The following HACL1 variants were observed in gnomAD, a reference collection of about 807,000 sequenced individuals.
HACL1 encodes 2-hydroxyacyl-CoA lyase 1, also known as 1600020H07Rik.
A neutral mutation model predicts 74.2 loss-of-function variants in HACL1; 64 were observed. The ratio of observed to expected loss-of-function variants is 0.86; its 90% CI spans 0.70 to 1.06. HACL1 has a LOEUF of 1.06. Among genes scored for constraint, HACL1 ranks in the 50% least tolerant of loss-of-function variants. HACL1 has a pLI of 0.00. For missense variants in HACL1, 728 were observed against 719.7 expected (o/e 1.01, Z -0.13); for synonymous variants, 230 against 238.8 (o/e 0.96, Z 0.34).
At chr3:15,573,104 A>C (rs571600648) in intron 11 of HACL1, 55 bp downstream of exon 11, 6 of 933,416 alleles carry the variant, frequency 6.4e-6, no homozygotes, top group Non-Finnish European at 1.1e-5. Context: ...AACATTTTCA[A>C]GAATTGACTA....
chr3:15,569,401 G>T (rs1574911771), intron 12 of HACL1, among the ~76,000 whole-genome samples: 1 of 152,302 alleles, frequency 6.6e-6, no homozygotes, highest in Admixed American at 6.5e-5. Context: ...AATTGAGACT[G>T]GTGGCCAGGC....
chr3:15,589,568 G>A lies in HACL1; in HGVS notation c.353C>T (p.Thr118Ile). The A allele has an allele frequency of 1.2e-6, 2 of 1,610,672 alleles. No individual in the cohort carries two copies. Among genetic ancestry groups the A allele is most frequent in the Non-Finnish European group, 1.7e-6 (2 of 1,177,112 alleles). The change falls in exon 5 of 17, where the codon ACA becomes ATA. Residue 118 changes from threonine to isoleucine, a missense_variant. By Grantham distance (89) the Thr-to-Ile change is moderately conservative (BLOSUM62 -1). Coordinates refer to ENST00000321169, the MANE Select transcript of HACL1 (RefSeq NM_012260.4). Reference sequence around the variant, plus strand: ...AGGAAACTCCTGGAAAGCTCCCATTGTTTCTTGGTTTCTTTCAGAGGAACC... The same window carrying A: ...AGGAAACTCCTGGAAAGCTCCCATTATTTCTTGGTTTCTTTCAGAGGAACC... ...IGGSSERNQE[T>I]MGAFQEFPQV...
intron 16 of HACL1, among the ~76,000 whole-genome samples, chr3:15,563,147 G>C (rs1037611301): frequency 5.3e-5 from 8 of 152,186 alleles, no homozygotes; most frequent in Non-Finnish European, 1.0e-4. Flanking sequence ...GAAGTCGTGA[G>C]GACCGAGCCT....
rs1170888518 is a variant in HACL1, at chr3:15,601,449, G to C, written c.15C>G (p.Asn5Lys). Residue 5 changes from asparagine (N) to lysine (K), a missense_variant, in exon 1 of 17, where the codon AAC (asparagine) becomes AAG (lysine). Coordinates refer to ENST00000321169, the MANE Select transcript of HACL1 (RefSeq NM_012260.4). Reference sequence around the variant, plus strand: ...CCTGCTCCTCGCTGCGCTCTGCGAAGTTACTGTCCGGCATCTTCCACCGAA... The same window carrying C: ...CCTGCTCCTCGCTGCGCTCTGCGAACTTACTGTCCGGCATCTTCCACCGAA... MPDS[N>K]FAERSEEQVS... The C allele has an allele frequency of 1.9e-6, 3 of 1,613,348 alleles. No individual in the cohort carries two copies. Among genetic ancestry groups the C allele is most frequent in the Non-Finnish European group, 2.5e-6 (3 of 1,180,054 alleles).
Position 15,591,916 on chromosome 3 carries a change from AGTGTATATATACGTATATAC to A in HACL1, c.228-256_228-237del, listed in dbSNP as rs1376799447. 6.0e-5 allele frequency among the ~76,000 whole-genome samples: 9 copies of A among 150,604 alleles called. No homozygotes were observed. The East Asian group carries it at 1.4e-3, about 23-fold the overall frequency. The stretch of plus-strand genomic sequence containing the variant: ...TAGTGTATACACTATATATGTATAT[AGTGTATATATACGTATATAC>A]GTGTATATATACACACACTATATAC... On this transcript the variant is annotated intron_variant, in intron 3 of 16. Transcript: ENST00000321169.
chr3:15,601,252 T>TTCCC (rs1246107346), intron 1 of HACL1, 58 bp from the exon 2 acceptor site: 2 of 1,536,692 alleles, frequency 1.3e-6, no homozygotes, highest in Non-Finnish European at 1.8e-6. Flanking sequence ...CGCCACATCC[T>TTCCC]TCCCTCCCTC....
chr3:15,568,097 GA>G, intron 13 of HACL1, 95 bp from the exon 14 acceptor site: 1 of 959,054 alleles, frequency 1.0e-6, no homozygotes, highest in Non-Finnish European at 1.6e-6. Flanking sequence ...ATGGTTGATG[GA>G]AAAATGAAGA....
chr3:15,580,077 A>C (rs1278616939), intron 8 of HACL1, 32 bp from the exon 9 acceptor site: 2 of 1,589,806 alleles, frequency 1.3e-6, no homozygotes, highest in Non-Finnish European at 1.7e-6. Flanking sequence ...TGGACAATTC[A>C]GTTAAGCTAT....
rs1327827062 is a variant in HACL1 at position 15,592,247 on chromosome 3, C to T, written c.228-567G>A. ...ATACATACGTATATACGTATACATA[C>T]GTGTATATATGGATCCATATATACG... On this transcript the variant is annotated intron_variant, in intron 3 of 16. Transcript: ENST00000321169. 2.7e-5 allele frequency among the ~76,000 whole-genome samples: 4 copies of T among 147,374 alleles called. No individual in the cohort carries two copies. The East Asian group carries it at 7.9e-4, about 29-fold the overall frequency.
At chr3:15,577,418 A>C (rs921637994) in intron 9 of HACL1, among the ~76,000 whole-genome samples, 1 of 152,140 alleles carries the variant, frequency 6.6e-6, no homozygotes, top group African/African-American at 2.4e-5. Context: ...CAGAAAGGGA[A>C]GCAAGAAATG....
At chr3:15,566,116 T>G (rs1442655903) in intron 14 of HACL1, among the ~76,000 whole-genome samples, 1 of 152,190 alleles carries the variant, frequency 6.6e-6, no homozygotes, top group Non-Finnish European at 1.5e-5. Context: ...GAGGGACAAC[T>G]ATACCTTCCC....
intron 5 of HACL1, among the ~76,000 whole-genome samples, chr3:15,588,273 T>C (rs1047856432): frequency 1.3e-5 from 2 of 152,220 alleles, no homozygotes; most frequent in Non-Finnish European, 2.9e-5. Flanking sequence ...TTCAGCTATT[T>C]GTTTCCAACA....
chr3:15,591,495 T>TA (rs1215835175), intron 4 of HACL1, 105 bp downstream of exon 4: 13 of 608,040 alleles, frequency 2.1e-5, no homozygotes, highest in African/African-American at 3.8e-5. Flanking sequence ...TGAAGGGGTT[T>TA]TTTTTTTCCA....
intron 12 of HACL1, among the ~76,000 whole-genome samples, chr3:15,571,106 G>A (rs2063519973): frequency 6.6e-6 from 1 of 151,996 alleles, no homozygotes; most frequent in Non-Finnish European, 1.5e-5. Flanking sequence ...AGCCTCCTGA[G>A]GAGACAAGAC....
At chr3:15,569,343 G>A (rs2063484393) in intron 12 of HACL1, among the ~76,000 whole-genome samples, 1 of 152,196 alleles carries the variant, frequency 6.6e-6, no homozygotes, top group Non-Finnish European at 1.5e-5. Flanking sequence ...AACCAACATC[G>A]TTCCTATGCG....
At chr3:15,576,000 A>C (rs13085912) in intron 9 of HACL1, among the ~76,000 whole-genome samples, 2 of 142,880 alleles carry the variant, frequency 1.4e-5, no homozygotes, top group African/African-American at 2.6e-5. Context: ...TACTAAAAAT[A>C]CAAAAATTAG....
chr3:15,578,995 T>C (rs1175494887), intron 9 of HACL1, among the ~76,000 whole-genome samples: 1 of 152,232 alleles, frequency 6.6e-6, no homozygotes, highest in African/African-American at 2.4e-5. Context: ...GCTGGACATG[T>C]GCAGACAGAC....
chr3:15,561,055 A>C (rs2063338259), intron 16 of HACL1, among the ~76,000 whole-genome samples, 158 bp from the exon 17 acceptor site: 1 of 152,202 alleles, frequency 6.6e-6, no homozygotes, highest in African/African-American at 2.4e-5. Context: ...GGACCTAAAA[A>C]CCTATTAGTG....
chr3:15,592,300 GTATATA>G (rs756110125), intron 3 of HACL1, among the ~76,000 whole-genome samples: 1 of 129,956 alleles, frequency 7.7e-6, no homozygotes, highest in Admixed American at 8.2e-5. Flanking sequence ...GTATACATAC[GTATATA>G]TATGTATACA....
Sources: gnomAD v4.1 joint callset for allele counts (sites outside exome capture counted in the v4.1 genomes callset) on GRCh38, gnomAD v4.1.1 for gene constraint, MANE v1.5 for transcripts, NCBI Gene and HGNC (gene_info 2026-07-23, HGNC 2026-07-21) for gene names.